Variants in ABCC11 observed in about 807,000 individuals in gnomAD.
ABCC11 encodes ATP binding cassette subfamily C member 11.
ABCC11 carries 135 observed loss-of-function variants against 149.3 expected under a neutral mutation model. The observed-to-expected ratio is 0.90, with a 90% CI of 0.79 to 1.04. ABCC11 has a LOEUF of 1.04. Ranked by LOEUF, ABCC11 falls within the 50% of genes least tolerant of loss-of-function variation. The pLI, the probability that ABCC11 is intolerant of heterozygous loss-of-function variation, is 0.00. For synonymous variants in ABCC11, 665 were observed against 671.4 expected (o/e 0.99, Z 0.15); for missense variants, 1,680 against 1,722.1 (o/e 0.98, Z 0.43).
intron 23 of ABCC11, among the ~76,000 whole-genome samples, chr16:48,181,882 G>C (rs1350180306): frequency 6.6e-6 from 1 of 152,178 alleles, no homozygotes; most frequent in Non-Finnish European, 1.5e-5. Context: ...CAAAGTGCTG[G>C]GATTACAGGC....
Position 48,176,912 on chromosome 16 carries a change from A to T in ABCC11, c.3538+12T>A. ...AGGAGCTGGGGACGCTCGCCCAGGA[A>T]GCTCAGCTCACCAGAGCCCGTCCTT... On this transcript the variant is annotated intron_variant, in intron 25 of 29. Transcript: ENST00000356608. 1 of 1,612,200 alleles carries T rather than the reference A, an allele frequency of 6.2e-7. No homozygotes were observed.
chr16:48,184,514 C>T lies in ABCC11; in HGVS notation c.3184G>A (p.Ala1062Thr), dbSNP rs200916685. The T allele has an allele frequency of 9.9e-6, 16 of 1,614,090 alleles. No homozygotes were observed. Among genetic ancestry groups the T allele is most frequent in the South Asian group, 2.2e-5 (2 of 91,092 alleles). Residue 1062 changes from alanine to threonine, a missense_variant, in exon 23 of 30, where the codon GCC becomes ACC. Coordinates refer to ENST00000356608, the MANE Select transcript of ABCC11 (RefSeq NM_001370497.1). ...IMTNLVTLAV[A>T]LFVAFGISST... ...GAAATGCCAAAAGCCACGAACAGGG[C>T]AACAGCCAAGGTCACAAGGTTGGTC... is the stretch of plus-strand genomic sequence containing the variant.
chr16:48,165,424 C>T (rs1433298854), downstream of ABCC11, among the ~76,000 whole-genome samples: 1 of 152,240 alleles, frequency 6.6e-6, no homozygotes, highest in Non-Finnish European at 1.5e-5. Flanking sequence ...CCTGTTCCGT[C>T]CAAGGATTGC....
intron 26 of ABCC11, 85 bp from the exon 27 acceptor site, chr16:48,171,052 T>G (rs749822921): frequency 4.3e-6 from 5 of 1,175,294 alleles, no homozygotes; most frequent in Non-Finnish European, 6.3e-6. Context: ...TGACCAAGAA[T>G]GTTTAGAACT....
intron 1 of ABCC11, among the ~76,000 whole-genome samples, chr16:48,241,097 G>C (rs1970946124): frequency 6.6e-6 from 1 of 152,026 alleles, no homozygotes; most frequent in Non-Finnish European, 1.5e-5. Flanking sequence ...ACCACACCTG[G>C]CTAATTTTCT....
intron 1 of ABCC11, among the ~76,000 whole-genome samples, chr16:48,245,124 C>T (rs527540671): frequency 1.2e-4 from 18 of 152,194 alleles, no homozygotes; most frequent in Non-Finnish European, 2.2e-4. Flanking sequence ...CATTCCTAAA[C>T]TGCACTATTT....
Position 48,200,414 on chromosome 16 carries a change from G to T in ABCC11, c.1944C>A (p.Val648=). 6.2e-7 allele frequency: 1 copy of T among 1,614,248 alleles called. No homozygotes were observed. The highest frequency in any genetic ancestry group is 8.5e-7 in the Non-Finnish European group (1 of 1,180,044). Reference sequence around the variant, plus strand: ...GCAGGTAGATCTGACGGTCGGAATAGACGGCGCGGGCCAGGCTGATCCTCT... The same window carrying T: ...GCAGGTAGATCTGACGGTCGGAATATACGGCGCGGGCCAGGCTGATCCTCT... The part of the protein sequence containing the change: ...QKQRISLARA[V]YSDRQIYLLD... The change falls in exon 15 of 30, where the codon GTC becomes GTA. Residue 648 remains valine (V), a synonymous_variant. Transcript: ENST00000356608.
chr16:48,227,117 C>T (rs1970122688), intron 4 of ABCC11, among the ~76,000 whole-genome samples: 2 of 152,168 alleles, frequency 1.3e-5, no homozygotes, highest in South Asian at 4.1e-4. Context: ...AAGTAATACT[C>T]AGTGCCACTG....
rs1567470414 is a variant in ABCC11 at position 48,170,103 on chromosome 16, A to C, written c.3891+2T>G. 6.2e-7 allele frequency: 1 copy of C among 1,612,804 alleles called. No individual in the cohort carries two copies. Among genetic ancestry groups the C allele is most frequent in the Admixed American group, 1.7e-5 (1 of 59,918 alleles). On this transcript the variant is annotated splice_donor_variant, in intron 28 of 29. Coordinates refer to ENST00000356608, the MANE Select transcript of ABCC11 (RefSeq NM_001370497.1). LOFTEE classifies it high-confidence loss of function. The stretch of plus-strand genomic sequence containing the variant: ...CTGGCCACACGGCAGTGGTGGCCTC[A>C]CCTTGGAGTTGCGAAGCACAGCCCT...
rs548224741 is a variant in ABCC11, at chr16:48,244,915, C to T, written c.-19+2399G>A. 1.3e-4 allele frequency among the ~76,000 whole-genome samples: 20 copies of T among 152,310 alleles called. No homozygotes were observed. The East Asian group carries it at 3.7e-3, about 28-fold the overall frequency. ...CCCCCTCTCCGCAATTCCTCGCCCT[C>T]GGTCTTCAGCCTCCTAGGCCAGTGC... On this transcript the variant is annotated intron_variant, in intron 1 of 29. Coordinates refer to ENST00000356608, the MANE Select transcript of ABCC11 (RefSeq NM_001370497.1).
At position 48,214,862 on chromosome 16, in the gene ABCC11, A is replaced by C; in HGVS notation, c.1248+19T>G. 6.2e-7 allele frequency: 1 copy of C among 1,612,422 alleles called. No individual in the cohort carries two copies. The highest frequency in any genetic ancestry group is 1.7e-5 in the Admixed American group (1 of 59,384). On this transcript the variant is annotated intron_variant, in intron 9 of 29. Coordinates refer to ENST00000356608, the MANE Select transcript of ABCC11 (RefSeq NM_001370497.1). Reference sequence around the variant, plus strand: ...TCCCAATCATGATGGGGAGAAAACAAAGCCCCCCAAACCCTTACCATTGAC... The same window carrying C: ...TCCCAATCATGATGGGGAGAAAACACAGCCCCCCAAACCCTTACCATTGAC...
chr16:48,213,305 C>T, intron 10 of ABCC11, 138 bp downstream of exon 10: 1 of 669,784 alleles, frequency 1.5e-6, no homozygotes. Flanking sequence ...AGCCTTGGAA[C>T]AGGAGGTCAC....
intron 1 of ABCC11, among the ~76,000 whole-genome samples, chr16:48,237,160 TCTTACC>T (rs554152569): frequency 1.9e-4 from 29 of 152,310 alleles, no homozygotes; most frequent in Admixed American, 6.5e-4. Context: ...GCCCCTCCCC[TCTTACC>T]CTTGGAGAGA....
rs186664787 is a variant in ABCC11 at position 48,245,685 on chromosome 16, T to C, written c.-19+1629A>G. Among the ~76,000 whole-genome samples, 228 of 152,328 alleles carry C rather than the reference T, an allele frequency of 1.5e-3. 1 individual carries two copies. The highest frequency in any genetic ancestry group is 2.0e-3 in the Non-Finnish European group (137 of 68,024). On this transcript the variant is annotated intron_variant, in intron 1 of 29. Transcript: ENST00000356608. ...CACGCCAGATTTTGAAAAAACTTTT[T>C]GATTAATACATTTTATATGGATTAA...
Position 48,186,894 on chromosome 16 carries a change from C to G in ABCC11, c.3071+59G>C. Reference sequence around the variant, plus strand: ...GCCACTCCCAGACGCTCCATTCTTTCCCTGCTCCCCACCACCCCTGTGGTT... The same window carrying G: ...GCCACTCCCAGACGCTCCATTCTTTGCCTGCTCCCCACCACCCCTGTGGTT... On this transcript the variant is annotated intron_variant, in intron 22 of 29. Coordinates refer to ENST00000356608, the MANE Select transcript of ABCC11 (RefSeq NM_001370497.1). The G allele has an allele frequency of 2.5e-6, 4 of 1,596,450 alleles. No individual in the cohort carries two copies. The South Asian group carries it at 4.5e-5, about 18-fold the overall frequency.
Position 48,215,343 on chromosome 16 carries a change from A to G in ABCC11, c.953T>C (p.Val318Ala). The G allele has an allele frequency of 6.2e-7, 1 of 1,612,882 alleles. No individual in the cohort carries two copies. The highest frequency in any genetic ancestry group is 8.5e-7 in the Non-Finnish European group (1 of 1,179,130). The change falls in exon 8 of 30, where the codon GTA becomes GCA. Residue 318 changes from valine to alanine, a missense_variant and splice_region_variant. Transcript: ENST00000356608. ...LCYLLVFPLA[V>A]FMTRMAVKAQ... ...CTTCACAGCCATTCTTGTCATGAAT[A>G]CCTGGAGTCAGGATACAGCAAGTTT...
rs770507620 is a variant in ABCC11, at chr16:48,184,537, G to T, written c.3161C>A (p.Thr1054Asn). Reference protein sequence around the residue: ...RWMALRLEIMTNLVTLAVALF... With the variant: ...RWMALRLEIMNNLVTLAVALF... ...GGCAACAGCCAAGGTCACAAGGTTG[G>T]TCATGATCTCCAGCCTCAATGCCAT... The change falls in exon 23 of 30, where the codon ACC becomes AAC. Residue 1054 changes from threonine to asparagine, a missense_variant. By Grantham distance (65) the Thr-to-Asn change is moderately conservative. Transcript: ENST00000356608. 6.2e-7 allele frequency: 1 copy of T among 1,614,242 alleles called. No individual in the cohort carries two copies. The highest frequency in any genetic ancestry group is 1.1e-5 in the South Asian group (1 of 91,084).
At chr16:48,208,752 C>T (rs879879361) in intron 11 of ABCC11, among the ~76,000 whole-genome samples, 2 of 152,060 alleles carry the variant, frequency 1.3e-5, no homozygotes, top group African/African-American at 2.4e-5. Flanking sequence ...TGGCAAGAAC[C>T]CTGAATTCCA....
At position 48,211,756 on chromosome 16, in the gene ABCC11, T is replaced by C. The variant is rs142133343; in HGVS notation, c.1357-557A>G. ...GTGTCCCACACTGGGGAAAGGTCATTTGGGGTCATACATTTCAAAAGGTGA... is the reference window on the plus strand; with the variant it reads ...GTGTCCCACACTGGGGAAAGGTCATCTGGGGTCATACATTTCAAAAGGTGA... On this transcript the variant is annotated intron_variant, in intron 10 of 29. Transcript: ENST00000356608. 4.6e-5 allele frequency among the ~76,000 whole-genome samples: 7 copies of C among 152,232 alleles called. No homozygotes were observed. In the East Asian group the frequency reaches 1.4e-3, roughly 29 times the overall value.
Sources: allele counts gnomAD v4.1 joint callset (sites outside exome capture counted in the v4.1 genomes callset), GRCh38; gene constraint gnomAD v4.1.1; transcripts MANE v1.5; gene names NCBI Gene and HGNC (gene_info 2026-07-23, HGNC 2026-07-21).